WASHC2A: variants seen among roughly 807,000 people sequenced by gnomAD.
WASHC2A encodes WASH complex subunit 2A.
WASHC2A carries 82 observed loss-of-function variants against 140.3 expected under a neutral mutation model. The observed-to-expected ratio is 0.58, with a 90% CI of 0.49 to 0.70. The LOEUF is 0.70. Among genes scored for constraint, WASHC2A ranks in the 30% least tolerant of loss-of-function variants. WASHC2A has a pLI of 0.00. For missense variants in WASHC2A, 985 were observed against 1,521.8 expected, an observed-to-expected ratio of 0.65 and a Z score of 5.87; for synonymous variants, 340 against 560.8, an observed-to-expected ratio of 0.61 and a Z score of 5.56.
chr10:50,092,519 T>G (rs1158758763), intron 11 of WASHC2A, among the ~76,000 whole-genome samples: 1 of 151,856 alleles, frequency 6.6e-6, no homozygotes, highest in Non-Finnish European at 1.5e-5. Context: ...TAGCTTGGCA[T>G]GGTGGTGGGT....
rs201489423 is a variant in WASHC2A, at chr10:50,104,071, G to C, written c.1665G>C (p.Lys555Asn). Residue 555 changes from lysine (K) to asparagine (N), a missense_variant, in exon 18 of 31, where the codon AAG becomes AAC. By Grantham distance (94) the Lys-to-Asn change is moderately conservative. Transcript: ENST00000282633. The stretch of plus-strand genomic sequence containing the variant: ...TGTTTTCTTCTCAAAGTGCGAGTAA[G>C]TTAAAAGGTGCGTCTCTGCTGCCTG... ...EDLFSSQSAS[K>N]LKGASLLPGK... The C allele has an allele frequency of 1.4e-4, 212 of 1,486,678 alleles. 5 individuals are homozygous for C. The highest frequency in any genetic ancestry group is 3.1e-4 in the Admixed American group (17 of 54,464). 92.1% of individuals were successfully genotyped at this position (1,486,678 alleles called of 1,614,324 possible).
chr10:50,128,838 T>C (rs894318052), intron 28 of WASHC2A, among the ~76,000 whole-genome samples: 2 of 152,076 alleles, frequency 1.3e-5, no homozygotes, highest in Non-Finnish European at 2.9e-5. Flanking sequence ...TTTGAGATTA[T>C]ATGAAAAGTT....
chr10:50,089,563 T>A (rs1839692103), intron 8 of WASHC2A, among the ~76,000 whole-genome samples: 1 of 152,206 alleles, frequency 6.6e-6, no homozygotes, highest in Admixed American at 6.5e-5. Context: ...GATCATGTTC[T>A]GGGAGCATGT....
At chr10:50,112,183 C>G (rs1842348607) in intron 20 of WASHC2A, 1 of 980,840 alleles carries the variant, frequency 1.0e-6, no homozygotes, top group African/African-American at 1.8e-5. Flanking sequence ...GTCCACTACC[C>G]CCACCCCACA....
chr10:50,097,926 G>T (rs1369025446), intron 16 of WASHC2A, 124 bp downstream of exon 16: 1 of 1,494,308 alleles, frequency 6.7e-7, no homozygotes, highest in African/African-American at 1.4e-5. Flanking sequence ...AACAGAAAGT[G>T]GAAAGAACAT....
rs1840415077 is a variant in WASHC2A, at chr10:50,095,594, C to T, written c.1241-5C>T. 4.3e-6 allele frequency: 7 copies of T among 1,611,958 alleles called. No homozygotes were observed. The East Asian group carries it at 1.6e-4, about 36-fold the overall frequency. On this transcript the variant is annotated splice_region_variant and splice_polypyrimidine_tract_variant and intron_variant, in intron 14 of 30. Coordinates refer to ENST00000282633, the MANE Select transcript of WASHC2A (RefSeq NM_001005751.3). Reference sequence around the variant, plus strand: ...GCTGTGGCTGTCTTGTCTTTCCACCCACAGGAGACACGGATGTGTTTGGTG... The same window carrying T: ...GCTGTGGCTGTCTTGTCTTTCCACCTACAGGAGACACGGATGTGTTTGGTG...
chr10:50,110,854 C>A (rs1842225753), intron 20 of WASHC2A, among the ~76,000 whole-genome samples: 1 of 138,222 alleles, frequency 7.2e-6, no homozygotes, highest in Non-Finnish European at 1.5e-5. Context: ...GATGGCACCA[C>A]TGCACTCCAG....
intron 5 of WASHC2A, among the ~76,000 whole-genome samples, chr10:50,082,776 G>A (rs1167205717): frequency 4.8e-5 from 7 of 146,308 alleles, no homozygotes; most frequent in Non-Finnish European, 1.0e-4. Flanking sequence ...TACTGCAACC[G>A]ACCAACCCTA....
chr10:50,127,719 T>A lies in WASHC2A; in HGVS notation c.3011T>A (p.Val1004Asp). The change falls in exon 28 of 31, where the codon GTC becomes GAC. Residue 1004 changes from valine to aspartate, a missense_variant. Coordinates refer to ENST00000282633, the MANE Select transcript of WASHC2A (RefSeq NM_001005751.3). ...AGCCACGGTCTGGAAAGTGTGCCTG[T>A]CCTTCCCGGGAGTGGGGAGGCCGGT... is the stretch of plus-strand genomic sequence containing the variant. ...RRSHGLESVP[V>D]LPGSGEAGVS... 1 of 1,569,642 alleles carries A rather than the reference T, an allele frequency of 6.4e-7. No individual in the cohort carries two copies. The highest frequency in any genetic ancestry group is 8.7e-7 in the Non-Finnish European group (1 of 1,153,480).
intron 21 of WASHC2A, among the ~76,000 whole-genome samples, chr10:50,115,942 C>T (rs1228552055): frequency 2.6e-5 from 4 of 151,978 alleles, no homozygotes; most frequent in African/African-American, 9.7e-5. Flanking sequence ...ATGGTGGAAC[C>T]CCATCTCTAT....
At chr10:50,077,285 C>T (rs1475254437) in intron 3 of WASHC2A, among the ~76,000 whole-genome samples, 14 of 152,058 alleles carry the variant, frequency 9.2e-5, no homozygotes, top group African/African-American at 3.4e-4. Flanking sequence ...CAGAGCTAGA[C>T]TCTGTCTCTA....
chr10:50,129,443 C>T lies in WASHC2A; in HGVS notation c.3112C>T (p.Arg1038Cys), dbSNP rs758684418. Residue 1038 changes from arginine (R) to cysteine (C), a missense_variant, in exon 29 of 31, where the codon CGT (arginine) becomes TGT (cysteine). Transcript: ENST00000282633. ...GAGCCGTGTCAAGATGAGAGGGAAGCGTAGACCGCAGACCCGTGCAGCTAG... is the reference window on the plus strand; with the variant it reads ...GAGCCGTGTCAAGATGAGAGGGAAGTGTAGACCGCAGACCCGTGCAGCTAG... Reference protein sequence around the residue: ...NKSRVKMRGKRRPQTRAARRL... With the variant: ...NKSRVKMRGKCRPQTRAARRL... The T allele has an allele frequency of 1.7e-5, 28 of 1,612,050 alleles. No individual in the cohort carries two copies. Among genetic ancestry groups the T allele is most frequent in the South Asian group, 2.2e-5 (2 of 90,996 alleles).
intron 30 of WASHC2A, among the ~76,000 whole-genome samples, 174 bp from the exon 31 acceptor site, chr10:50,132,632 T>A (rs888514049): frequency 4.9e-4 from 74 of 152,308 alleles, no homozygotes; most frequent in African/African-American, 1.7e-3. Context: ...ATCATAAAAT[T>A]TAATGAGTAA....
At chr10:50,092,682 CAT>C (rs1264596508) in intron 11 of WASHC2A, among the ~76,000 whole-genome samples, 1 of 151,266 alleles carries the variant, frequency 6.6e-6, no homozygotes. Context: ...CCTTGGAAGG[CAT>C]GTTTTGGGGT....
At chr10:50,126,651 G>T in intron 26 of WASHC2A, 1 of 297,984 alleles carries the variant, frequency 3.4e-6, no homozygotes, top group Admixed American at 5.0e-5. Context: ...CAGGACTGGA[G>T]AGCGAGTGCC....
chr10:50,130,453 C>A (rs1276687623), intron 29 of WASHC2A, among the ~76,000 whole-genome samples: 1 of 151,642 alleles, frequency 6.6e-6, no homozygotes, highest in African/African-American at 2.4e-5. Context: ...GGCAATAAGA[C>A]TTTCAGTGGC....
rs1326722040 is a variant in WASHC2A at position 50,089,610 on chromosome 10, C to T, written c.733-1166C>T. Among the ~76,000 whole-genome samples, 112 of 152,256 alleles carry T rather than the reference C, an allele frequency of 7.4e-4. No homozygotes were observed. In the Middle Eastern group the frequency reaches 0.01, roughly 14 times the overall value. ...TGTTTCTTTGCTTTTATAAACACAT[C>T]TGTTTCCATAGAAATGCTGTAGTGT... On this transcript the variant is annotated intron_variant, in intron 8 of 30. Transcript: ENST00000282633.
intron 28 of WASHC2A, among the ~76,000 whole-genome samples, chr10:50,128,529 G>A (rs2338565): frequency 1.3e-5 from 2 of 152,194 alleles, no homozygotes; most frequent in Non-Finnish European, 2.9e-5. Flanking sequence ...GAAAGCTTTA[G>A]CTGATTTCCA....
intron 3 of WASHC2A, among the ~76,000 whole-genome samples, chr10:50,072,025 A>C: frequency 1.7e-5 from 2 of 118,502 alleles, no homozygotes; most frequent in Non-Finnish European, 3.5e-5. Context: ...TCTCCTGCCC[A>C]CACCTCCCAT....
Sources: gnomAD v4.1 joint callset for allele counts (sites outside exome capture counted in the v4.1 genomes callset) on GRCh38, gnomAD v4.1.1 for gene constraint, MANE v1.5 for transcripts, NCBI Gene and HGNC (gene_info 2026-07-23, HGNC 2026-07-21) for gene names.